H2AZ1: variants seen among roughly 807,000 people sequenced by gnomAD.
H2AZ1 encodes histone H2A.Z.
A neutral mutation model predicts 16.6 loss-of-function variants in H2AZ1; 3 were observed. That is an observed-to-expected ratio of 0.18 (90% CI 0.08 to 0.47). H2AZ1 has a LOEUF of 0.47. Ranked by LOEUF, H2AZ1 falls within the 20% of genes least tolerant of loss-of-function variation. H2AZ1 has a pLI of 0.98. For missense variants in H2AZ1, 27 were observed against 163.6 expected, an observed-to-expected ratio of 0.17 and a Z score of 4.55; for synonymous variants, 78 against 60.7, an observed-to-expected ratio of 1.28 and a Z score of -1.32.
chr4:99,948,204 A>G lies in H2AZ1; in HGVS notation c.*258T>C, dbSNP rs1366434749. 9 of 643,348 alleles carry G rather than the reference A, an allele frequency of 1.4e-5. No individual in the cohort carries two copies. The highest frequency in any genetic ancestry group is 2.5e-5 in the Non-Finnish European group (9 of 354,768). The allele number at this position is 643,348 out of a possible 1,614,324, so 39.9% of individuals were successfully genotyped here. A position where few individuals can be genotyped will look rare whatever the true frequency, so the allele number is the denominator to read the frequency against. ...AATTAAAATCCAAACAGTTTTTTAAAAACAGTCAACTCAATCAAAACCCAC... is the reference window on the plus strand; with the variant it reads ...AATTAAAATCCAAACAGTTTTTTAAGAACAGTCAACTCAATCAAAACCCAC... On this transcript the variant is annotated 3_prime_UTR_variant, in exon 5 of 5. Transcript: ENST00000296417.
Position 99,949,013 on chromosome 4 carries a change from C to T in H2AZ1, c.196-73G>A, listed in dbSNP as rs114299525. 62 of 927,030 alleles carry T rather than the reference C, an allele frequency of 6.7e-5. No homozygotes were observed. In the African/African-American group the frequency reaches 9.3e-4, roughly 14 times the overall value. The allele number at this position is 927,030 out of a possible 1,614,324, so 57.4% of individuals were successfully genotyped here. ...GATTCAGAGAACAGAATAAAACCCT[C>T]ACAAACGCAGATCTACCAACTGGAA... On this transcript the variant is annotated intron_variant, in intron 3 of 4. Transcript: ENST00000296417.
chr4:99,949,898 C>T (rs1008958612), intron 1 of H2AZ1, 158 bp from the exon 2 acceptor site: 24 of 209,924 alleles, frequency 1.1e-4, no homozygotes, highest in Non-Finnish European at 1.5e-4. Context: ...GCGACCCCGC[C>T]CGTTCGCCCC....
At chr4:99,949,541 C>T (rs1414306215) in intron 2 of H2AZ1, 122 bp downstream of exon 2, 6 of 1,069,704 alleles carry the variant, frequency 5.6e-6, no homozygotes, top group Non-Finnish European at 8.8e-6. Context: ...GTATGGGCAG[C>T]CCAAGTCGCG....
rs1302852764 is a variant in H2AZ1 at position 99,948,393 on chromosome 4, G to A, written c.*69C>T. On this transcript the variant is annotated 3_prime_UTR_variant, in exon 5 of 5. Coordinates refer to ENST00000296417, the MANE Select transcript of H2AZ1 (RefSeq NM_002106.4). ...GTTTTTCACAGAGATACAGTCCACT[G>A]GAATCACCAACACTGGACAGCTGTT... 3.2e-6 allele frequency: 3 copies of A among 936,070 alleles called. No homozygotes were observed. The African/African-American group carries it at 4.9e-5, about 15-fold the overall frequency. 58.0% of individuals were successfully genotyped at this position (936,070 alleles called of 1,614,324 possible).
intron 3 of H2AZ1, 58 bp downstream of exon 3, chr4:99,949,215 T>C: frequency 9.6e-7 from 1 of 1,044,344 alleles, no homozygotes; most frequent in South Asian, 1.4e-5. Context: ...CCTCCTTCCC[T>C]CTTGCCGCCT....
At chr4:99,949,821 GGCGCGTCCCGCCGCGA>G (rs1317658022) in intron 1 of H2AZ1, 81 bp from the exon 2 acceptor site, 82 of 1,141,058 alleles carry the variant, frequency 7.2e-5, no homozygotes, top group Middle Eastern at 3.1e-4. Flanking sequence ...CCCCCACCGC[GGCGCGTCCCGCCGCGA>G]GCGCGTCCCC....
chr4:99,948,902 C>T lies in H2AZ1; in HGVS notation c.234G>A (p.Lys78=). ...ELAGNASKDL[K]VKRITPRHLQ... Reference sequence around the variant, plus strand: ...AGTGACGAGGGGTAATACGCTTTACCTTTAAGTCTTTTGATGCATTTCCTG... The same window carrying T: ...AGTGACGAGGGGTAATACGCTTTACTTTTAAGTCTTTTGATGCATTTCCTG... The change falls in exon 4 of 5, where the codon AAG becomes AAA. Residue 78 remains lysine, a synonymous_variant. Coordinates refer to ENST00000296417, the MANE Select transcript of H2AZ1 (RefSeq NM_002106.4). The T allele has an allele frequency of 6.2e-7, 1 of 1,612,736 alleles. No individual in the cohort carries two copies. Among genetic ancestry groups the T allele is most frequent in the Non-Finnish European group, 8.5e-7 (1 of 1,178,834 alleles).
At chr4:99,949,119 G>A in intron 3 of H2AZ1, 154 bp downstream of exon 3, 1 of 663,124 alleles carries the variant, frequency 1.5e-6, no homozygotes, top group African/African-American at 1.8e-5. Flanking sequence ...AAGCTCAGTA[G>A]GATCCTTGTT....
chr4:99,949,512 C>A (rs1299278421), intron 2 of H2AZ1, 126 bp from the exon 3 acceptor site: 1 of 974,142 alleles, frequency 1.0e-6, no homozygotes, highest in Non-Finnish European at 1.7e-6. Flanking sequence ...ACACGTGATT[C>A]CTCCCCCCCA....
At position 99,950,197 on chromosome 4, in the gene H2AZ1, G is replaced by C. The variant is rs1341599137; in HGVS notation, c.-27C>G. ...TCGAATTCCGCTGAAGCTCAAGCAA[G>C]CAAGGCAGAGAAAAGGCTAATCGGA... On this transcript the variant is annotated 5_prime_UTR_variant, in exon 1 of 5. Coordinates refer to ENST00000296417, the MANE Select transcript of H2AZ1 (RefSeq NM_002106.4). 6.2e-7 allele frequency: 1 copy of C among 1,606,104 alleles called. No homozygotes were observed. Among genetic ancestry groups the C allele is most frequent in the African/African-American group, 1.3e-5 (1 of 74,966 alleles).
chr4:99,948,398 C>T lies in H2AZ1; in HGVS notation c.*64G>A. 2.1e-6 allele frequency: 2 copies of T among 967,434 alleles called. No homozygotes were observed. Among genetic ancestry groups the T allele is most frequent in the Non-Finnish European group, 3.4e-6 (2 of 591,388 alleles). 59.9% of individuals were successfully genotyped at this position (967,434 alleles called of 1,614,324 possible). Reference sequence around the variant, plus strand: ...TCACAGAGATACAGTCCACTGGAATCACCAACACTGGACAGCTGTTAGAGT... The same window carrying T: ...TCACAGAGATACAGTCCACTGGAATTACCAACACTGGACAGCTGTTAGAGT... On this transcript the variant is annotated 3_prime_UTR_variant, in exon 5 of 5. Coordinates refer to ENST00000296417, the MANE Select transcript of H2AZ1 (RefSeq NM_002106.4).
rs1491134310 is a variant in H2AZ1, at chr4:99,948,527, GGA to G, written c.326-6_326-5del. 5.6e-6 allele frequency: 9 copies of G among 1,611,098 alleles called. No individual in the cohort carries two copies. Among genetic ancestry groups the G allele is most frequent in the East Asian group, 2.2e-5 (1 of 44,860 alleles). ...TTGTGGATGTGTGGAATGACACCTA[GGA>G]GAGTGACAGGAATTAATTCTACTTA... On this transcript the variant is annotated splice_region_variant and splice_polypyrimidine_tract_variant and intron_variant, in intron 4 of 4. Transcript: ENST00000296417.
At chr4:99,949,632 T>G (rs759209196) in intron 2 of H2AZ1, 31 bp downstream of exon 2, 8 of 1,591,814 alleles carry the variant, frequency 5.0e-6, no homozygotes, top group South Asian at 2.2e-5. Flanking sequence ...AAAAACATCA[T>G]GACTCCCAGA....
At position 99,949,659 on chromosome 4, in the gene H2AZ1, T is replaced by G; in HGVS notation, c.81+4A>C. The G allele has an allele frequency of 6.2e-7, 1 of 1,612,900 alleles. No individual in the cohort carries two copies. On this transcript the variant is annotated splice_donor_region_variant and intron_variant, in intron 2 of 4. Transcript: ENST00000296417. The stretch of plus-strand genomic sequence containing the variant: ...ACTCCCAGACTGCACGAACAACTAC[T>G]GACCTGCAAGCCGGCTCTCTGCGAG...
intron 3 of H2AZ1, 139 bp from the exon 4 acceptor site, chr4:99,949,079 C>T (rs1167941270): frequency 4.3e-6 from 3 of 703,270 alleles, no homozygotes; most frequent in Admixed American, 2.4e-5. Flanking sequence ...ACAGGGGGCA[C>T]GCAATTTTAA....
In H2AZ1 at chr4:99,949,366, A is replaced by G; in HGVS notation, c.102T>C (p.His34=). 3 of 1,609,296 alleles carry G rather than the reference A, an allele frequency of 1.9e-6. No individual in the cohort carries two copies. The highest frequency in any genetic ancestry group is 2.6e-6 in the Non-Finnish European group (3 of 1,175,838). ...AGLQFPVGRI[H]RHLKSRTTSH... ...TGGTCGTCCTAGATTTTAGGTGTCG[A>G]TGAATACGGCCCACTGGGAACTTAA... Residue 34 remains histidine (H), a synonymous_variant, in exon 3 of 5, where the codon CAT becomes CAC. Coordinates refer to ENST00000296417, the MANE Select transcript of H2AZ1 (RefSeq NM_002106.4).
At chr4:99,948,784 T>G (rs1255905408) in intron 4 of H2AZ1, 27 bp downstream of exon 4, 3 of 1,576,308 alleles carry the variant, frequency 1.9e-6, no homozygotes, top group Non-Finnish European at 2.6e-6. Context: ...CTGAAGAAAT[T>G]TTTTAAAATG....
At chr4:99,950,042 A>T in intron 1 of H2AZ1, 126 bp downstream of exon 1, 2 of 863,950 alleles carry the variant, frequency 2.3e-6, no homozygotes, top group Non-Finnish European at 1.9e-6. Context: ...ACCTCCCCCC[A>T]CTCTTCTAAA....
chr4:99,948,624 A>T, intron 4 of H2AZ1, 101 bp from the exon 5 acceptor site: 1 of 1,528,386 alleles, frequency 6.5e-7, no homozygotes, highest in Middle Eastern at 1.8e-4. Context: ...AGGTATCTTT[A>T]AAAACATGCA....
Sources: allele counts gnomAD v4.1 joint callset, GRCh38; gene constraint gnomAD v4.1.1; transcripts MANE v1.5; gene names NCBI Gene and HGNC (gene_info 2026-07-23, HGNC 2026-07-21).